The following CPEB3 variants were observed in gnomAD, a reference collection of about 807,000 sequenced individuals.
CPEB3 encodes cytoplasmic polyadenylation element binding protein 3.
In CPEB3, 20 loss-of-function variants were observed where a neutral mutation model predicts 67.2. The ratio of observed to expected loss-of-function variants is 0.30; its 90% CI spans 0.21 to 0.43. The LOEUF is 0.43. Ranked by LOEUF, CPEB3 falls within the 20% of genes least tolerant of loss-of-function variation. The pLI is 1.00. For synonymous variants in CPEB3, 376 were observed against 393.1 expected (o/e 0.96, Z 0.51); for missense variants, 746 against 968.6 (o/e 0.77, Z 3.05).
At chr10:92,190,408 G>A (rs768343392) in intron 3 of CPEB3, among the ~76,000 whole-genome samples, 6 of 151,996 alleles carry the variant, frequency 3.9e-5, no homozygotes, top group Non-Finnish European at 7.4e-5. Context: ...GCTCACACCT[G>A]TAATCTCAGC....
chr10:92,081,321 C>A lies in CPEB3; in HGVS notation c.1868G>T (p.Arg623Leu). Residue 623 changes from arginine (R) to leucine (L), a missense_variant and splice_region_variant, in exon 9 of 10, where the codon CGG becomes CTG. Around this residue, in one of 2 missense-constraint regions of CPEB3, gnomAD observed 103 missense variants for 251.1 expected, o/e 0.41. Transcript: ENST00000265997. ...GTTTCACCCTAAGTAGGTGCTTACC[C>A]GTTTGTCAATGTCATTGTGCTGAAG... is the stretch of plus-strand genomic sequence containing the variant. Reference protein sequence around the residue: ...VQLQHNDIDKRVEVKPYVLDD... With the variant: ...VQLQHNDIDKLVEVKPYVLDD... 1 of 1,614,138 alleles carries A rather than the reference C, an allele frequency of 6.2e-7. No individual in the cohort carries two copies. Among genetic ancestry groups the A allele is most frequent in the South Asian group, 1.1e-5 (1 of 91,070 alleles).
At chr10:92,260,443 C>T (rs1371622226) in intron 1 of CPEB3, among the ~76,000 whole-genome samples, 2 of 150,310 alleles carry the variant, frequency 1.3e-5, no homozygotes, top group Non-Finnish European at 3.0e-5. Context: ...CCCAGCTACT[C>T]GGGAGGCTGA....
intron 2 of CPEB3, among the ~76,000 whole-genome samples, chr10:92,215,961 G>C (rs1850358835): frequency 6.7e-6 from 1 of 148,416 alleles, no homozygotes. Context: ...TGTTGGCCAG[G>C]ATGGTCTCCA....
intron 1 of CPEB3, among the ~76,000 whole-genome samples, chr10:92,267,546 C>T (rs1853115763): frequency 6.6e-6 from 1 of 152,182 alleles, no homozygotes; most frequent in African/African-American, 2.4e-5. Context: ...GTAAGCAGAG[C>T]TGTGACATGC....
intron 6 of CPEB3, among the ~76,000 whole-genome samples, chr10:92,133,898 A>G (rs1564806751): frequency 6.6e-6 from 1 of 152,164 alleles, no homozygotes; most frequent in Non-Finnish European, 1.5e-5. Context: ...ACATAAACAG[A>G]ACCAACAACA....
At chr10:92,179,587 G>A (rs1848375845) in intron 4 of CPEB3, among the ~76,000 whole-genome samples, 1 of 152,178 alleles carries the variant, frequency 6.6e-6, no homozygotes, top group Non-Finnish European at 1.5e-5. Context: ...AAAAGTTAGA[G>A]GCAGCATAAT....
chr10:92,172,734 C>T (rs1286339117), intron 4 of CPEB3, among the ~76,000 whole-genome samples: 1 of 152,190 alleles, frequency 6.6e-6, no homozygotes, highest in Non-Finnish European at 1.5e-5. Context: ...ACTACTCTAT[C>T]ATATGGCCAT....
chr10:92,179,163 A>G (rs1848356632), intron 4 of CPEB3, among the ~76,000 whole-genome samples: 1 of 152,206 alleles, frequency 6.6e-6, no homozygotes, highest in South Asian at 2.1e-4. Context: ...AGATTACCTA[A>G]TCACCCCCCT....
At chr10:92,141,224 A>G (rs1369988226) in intron 6 of CPEB3, among the ~76,000 whole-genome samples, 4 of 147,978 alleles carry the variant, frequency 2.7e-5, no homozygotes, top group Non-Finnish European at 5.9e-5. Flanking sequence ...AAGACTTGGA[A>G]CCAACCCAAA....
chr10:92,243,502 C>T (rs1851935520), intron 1 of CPEB3, among the ~76,000 whole-genome samples: 1 of 152,092 alleles, frequency 6.6e-6, no homozygotes. Context: ...GTCAACTTGC[C>T]ATAGGAAGCC....
chr10:92,241,169 C>A (rs1000122366), intron 1 of CPEB3, among the ~76,000 whole-genome samples: 1 of 152,114 alleles, frequency 6.6e-6, no homozygotes, highest in East Asian at 1.9e-4. Flanking sequence ...TTTCTTGTCT[C>A]CAATTCTGCC....
chr10:92,071,728 C>A (rs1035451378), intron 9 of CPEB3, among the ~76,000 whole-genome samples: 5 of 150,390 alleles, frequency 3.3e-5, no homozygotes, highest in Non-Finnish European at 5.9e-5. Flanking sequence ...GAGTAAGACT[C>A]CATCTCAAAA....
chr10:92,107,657 C>G (rs1007596793), intron 7 of CPEB3, among the ~76,000 whole-genome samples: 15 of 152,068 alleles, frequency 9.9e-5, no homozygotes, highest in Admixed American at 2.0e-4. Flanking sequence ...CACATGGACA[C>G]AGCTGTCTTC....
chr10:92,247,398 AT>A (rs1852117140), intron 1 of CPEB3, among the ~76,000 whole-genome samples: 1 of 150,672 alleles, frequency 6.6e-6, no homozygotes, highest in African/African-American at 2.4e-5. Context: ...ATTTTATTTT[AT>A]TTTATTATTT....
intron 9 of CPEB3, among the ~76,000 whole-genome samples, chr10:92,071,027 T>C (rs1054872652): frequency 8.6e-5 from 13 of 151,618 alleles, no homozygotes; most frequent in Non-Finnish European, 2.9e-5. Context: ...AGTGCTATCG[T>C]ATATTGACAG....
rs756888949 is a variant in CPEB3 at position 92,143,038 on chromosome 10, G to T, written c.1444C>A (p.Pro482Thr). The T allele has an allele frequency of 6.2e-7, 1 of 1,612,096 alleles. No homozygotes were observed. Among genetic ancestry groups the T allele is most frequent in the Non-Finnish European group, 8.5e-7 (1 of 1,178,496 alleles). ...ATTTTAAGAGCATTACCTTTAGGAG[G>T]AAAATAAGACTTGCTTTCAGCTTTG... ...PHKAESKSYF[P>T]PKGYAFLLFQ... is the part of the protein sequence containing the mutation. The change falls in exon 6 of 10, where the codon CCT becomes ACT. Residue 482 changes from proline (P) to threonine (T), a missense_variant. By Grantham distance (38) the Pro-to-Thr change is conservative (BLOSUM62 -1). This residue lies in a region of CPEB3 where 643 missense variants were observed against 717.5 expected (regional missense o/e 0.90). Coordinates refer to ENST00000265997, the MANE Select transcript of CPEB3 (RefSeq NM_014912.5).
rs377693834 is a variant in CPEB3, at chr10:92,239,525, C to A, written c.826G>T (p.Val276Leu). ...RDPRRAVGVG[V>L]GVGVGVPSPL... is the part of the protein sequence containing the mutation. The stretch of plus-strand genomic sequence containing the variant: ...GAAGGCACCCCGACACCCACACCCA[C>A]GCCCACACCGACCGCCCGGCGAGGG... The change falls in exon 2 of 10, where the codon GTG (valine) becomes TTG (leucine). Residue 276 changes from valine to leucine, a missense_variant. Around this residue, in one of 2 missense-constraint regions of CPEB3, gnomAD observed 643 missense variants for 717.5 expected, o/e 0.90. Coordinates refer to ENST00000265997, the MANE Select transcript of CPEB3 (RefSeq NM_014912.5). This position sits in a 1 kb window ranked among gnomAD's most constrained non-coding sequence, Gnocchi z 6.0. The A allele has an allele frequency of 2.9e-5, 45 of 1,564,432 alleles. 1 individual carries two copies. In the Admixed American group the frequency reaches 7.1e-4, roughly 25 times the overall value.
At chr10:92,154,681 C>T (rs957960715) in intron 4 of CPEB3, among the ~76,000 whole-genome samples, 1 of 152,194 alleles carries the variant, frequency 6.6e-6, no homozygotes, top group African/African-American at 2.4e-5. Flanking sequence ...GAGATATGTA[C>T]TCCAAGCCTC....
At chr10:92,178,895 T>A (rs1240173564) in intron 4 of CPEB3, among the ~76,000 whole-genome samples, 4 of 151,682 alleles carry the variant, frequency 2.6e-5, no homozygotes, top group Non-Finnish European at 5.9e-5. Context: ...CAAGCTGGAG[T>A]CAACTTTGAA....
Sources: gnomAD v4.1 joint callset for allele counts (sites outside exome capture counted in the v4.1 genomes callset) on GRCh38, gnomAD v4.1.1 for gene constraint, gnomAD v4.1.1 regional missense constraint, Gnocchi (gnomAD v3.1) non-coding constraint, MANE v1.5 for transcripts, NCBI Gene and HGNC (gene_info 2026-07-23, HGNC 2026-07-21) for gene names.